Variants in ITGA9 observed in about 807,000 individuals in gnomAD.
The protein encoded by ITGA9 is integrin alpha-9.
Under a neutral mutation model 127.8 loss-of-function variants are expected in ITGA9, and 56 were observed. That is an observed-to-expected ratio of 0.44 (90% CI 0.35 to 0.55). The LOEUF is 0.55. Ranked by LOEUF, ITGA9 falls within the 20% of genes least tolerant of loss-of-function variation. The probability of loss-of-function intolerance (pLI) is 0.00; values close to 1 mark genes in which losing one functional copy is unlikely to be tolerated. For synonymous variants in ITGA9, 508 were observed against 514.5 expected, an observed-to-expected ratio of 0.99 and a Z score of 0.17; for missense variants, 1,196 against 1,347.1, an observed-to-expected ratio of 0.89 and a Z score of 1.76.
chr3:37,616,143 C>T (rs1352151443), intron 15 of ITGA9, among the ~76,000 whole-genome samples: 1 of 152,070 alleles, frequency 6.6e-6, no homozygotes, highest in African/African-American at 2.4e-5. Flanking sequence ...TGAATGTGTC[C>T]CAGAGATTCT....
chr3:37,659,624 C>T (rs1700513386), intron 17 of ITGA9, among the ~76,000 whole-genome samples: 1 of 151,992 alleles, frequency 6.6e-6, no homozygotes, highest in Admixed American at 6.6e-5. Flanking sequence ...TGGGTTAGAA[C>T]ATGCTCCTTT....
At position 37,799,860 on chromosome 3, in the gene ITGA9, G is replaced by A. The variant is rs958628046; in HGVS notation, c.2890-3963G>A. Among the ~76,000 whole-genome samples, 8 of 152,238 alleles carry A rather than the reference G, an allele frequency of 5.3e-5. No individual in the cohort carries two copies. The highest frequency in any genetic ancestry group is 8.8e-5 in the Non-Finnish European group (6 of 68,010). ...CACCCAGCTCATTGGTGGTGATGAC[G>A]GGACCTGATCATCAGTGCTTCTTGC... On this transcript the variant is annotated intron_variant, in intron 26 of 27. Transcript: ENST00000264741. This position sits in a 1 kb window ranked among gnomAD's most constrained non-coding sequence, Gnocchi z 4.0.
chr3:37,655,543 GT>G, intron 17 of ITGA9, among the ~76,000 whole-genome samples: 1 of 151,808 alleles, frequency 6.6e-6, no homozygotes, highest in East Asian at 1.9e-4. Flanking sequence ...TGATGGGGTT[GT>G]TTTTTTTCTT....
At chr3:37,638,176 G>A (rs537126736) in intron 16 of ITGA9, among the ~76,000 whole-genome samples, 98 of 152,256 alleles carry the variant, frequency 6.4e-4, no homozygotes, top group Non-Finnish European at 1.1e-3. Context: ...TCAACGAGTA[G>A]TAGTATCAGC....
intron 16 of ITGA9, among the ~76,000 whole-genome samples, chr3:37,631,339 T>C (rs1700228886): frequency 6.6e-6 from 1 of 152,204 alleles, no homozygotes; most frequent in African/African-American, 2.4e-5. Flanking sequence ...TGGACTTTCT[T>C]TAGTGAAAAG....
At chr3:37,775,307 C>T (rs1008806316) in intron 23 of ITGA9, among the ~76,000 whole-genome samples, 3 of 152,136 alleles carry the variant, frequency 2.0e-5, no homozygotes, top group African/African-American at 4.8e-5. Context: ...ATCAAAACCA[C>T]GGTGAGATAC....
intron 18 of ITGA9, among the ~76,000 whole-genome samples, chr3:37,723,603 C>T (rs1040329617): frequency 1.3e-5 from 2 of 152,202 alleles, no homozygotes; most frequent in Non-Finnish European, 2.9e-5. Flanking sequence ...CCCAAGTGAT[C>T]CACCTGCCTT....
chr3:37,603,923 G>A (rs1173382418), intron 15 of ITGA9, among the ~76,000 whole-genome samples: 1 of 152,214 alleles, frequency 6.6e-6, no homozygotes, highest in East Asian at 1.9e-4. Context: ...CCCACTGCTG[G>A]ATGAAAGAAG....
chr3:37,746,566 A>G (rs1482289232), intron 22 of ITGA9, among the ~76,000 whole-genome samples: 2 of 152,246 alleles, frequency 1.3e-5, no homozygotes, highest in Non-Finnish European at 1.5e-5. Context: ...GGCTCTGATG[A>G]GTGAAATAGT....
chr3:37,568,915 A>G (rs754210479), intron 15 of ITGA9, among the ~76,000 whole-genome samples: 1 of 152,028 alleles, frequency 6.6e-6, no homozygotes, highest in Non-Finnish European at 1.5e-5. Context: ...CTGTTACCCA[A>G]TTTCAAAGTC....
At chr3:37,768,424 C>T (rs771293881) in intron 23 of ITGA9, among the ~76,000 whole-genome samples, 8 of 152,144 alleles carry the variant, frequency 5.3e-5, no homozygotes, top group African/African-American at 9.7e-5. Flanking sequence ...TGTGTTCAGC[C>T]GCCTGTGCCG....
intron 27 of ITGA9, among the ~76,000 whole-genome samples, chr3:37,813,623 C>T (rs11129773): frequency 0.042 from 6,352 of 152,214 alleles, 170 homozygotes; most frequent in Non-Finnish European, 0.061. Context: ...ATGCTTTTTT[C>T]TGGTTCTTGC....
chr3:37,571,366 A>C (rs1284482344), intron 15 of ITGA9, among the ~76,000 whole-genome samples: 1 of 148,748 alleles, frequency 6.7e-6, no homozygotes, highest in Non-Finnish European at 1.5e-5. Flanking sequence ...CAATTGGACA[A>C]AAAGGCTGGG....
At chr3:37,710,211 G>T (rs1237705635) in intron 18 of ITGA9, among the ~76,000 whole-genome samples, 2 of 152,120 alleles carry the variant, frequency 1.3e-5, no homozygotes, top group Non-Finnish European at 2.9e-5. Context: ...TCTTACAGGG[G>T]TGACAGCTTA....
At chr3:37,783,116 G>A (rs1226784689) in intron 25 of ITGA9, among the ~76,000 whole-genome samples, 1 of 151,858 alleles carries the variant, frequency 6.6e-6, no homozygotes, top group Non-Finnish European at 1.5e-5. Context: ...TCCAGCCTGG[G>A]CAACAGAGCG....
At chr3:37,725,678 A>G (rs947270802) in intron 18 of ITGA9, among the ~76,000 whole-genome samples, 2 of 152,228 alleles carry the variant, frequency 1.3e-5, no homozygotes, top group African/African-American at 4.8e-5. Flanking sequence ...GTTTTTAGAT[A>G]ATGGATTTAA....
chr3:37,616,139 T>C (rs1242037003), intron 15 of ITGA9, among the ~76,000 whole-genome samples: 1 of 152,226 alleles, frequency 6.6e-6, no homozygotes, highest in African/African-American at 2.4e-5. Flanking sequence ...GCTTTGAATG[T>C]GTCCCAGAGA....
chr3:37,702,706 G>A (rs1422682663), intron 18 of ITGA9, among the ~76,000 whole-genome samples: 1 of 152,162 alleles, frequency 6.6e-6, no homozygotes, highest in African/African-American at 2.4e-5. Context: ...ACAGTCAGCT[G>A]CAGGAGAGGA....
At chr3:37,613,808 G>T (rs1332208038) in intron 15 of ITGA9, among the ~76,000 whole-genome samples, 1 of 152,210 alleles carries the variant, frequency 6.6e-6, no homozygotes, top group East Asian at 1.9e-4. Context: ...TGTTGATGGG[G>T]TTGTTTGTTT....
Sources: gnomAD v4.1 joint callset for allele counts (sites outside exome capture counted in the v4.1 genomes callset) on GRCh38, gnomAD v4.1.1 for gene constraint, Gnocchi (gnomAD v3.1) non-coding constraint, MANE v1.5 for transcripts, NCBI Gene and HGNC (gene_info 2026-07-23, HGNC 2026-07-21) for gene names.